ZNF592: variants seen among roughly 807,000 people sequenced by gnomAD.
The protein encoded by ZNF592 is zinc finger protein 592, also known as spinocerebellar ataxia, autosomal recessive 5.
ZNF592 carries 11 observed loss-of-function variants against 80.3 expected under a neutral mutation model. The observed-to-expected ratio is 0.14, with a 90% CI of 0.09 to 0.23. The LOEUF (loss-of-function observed/expected upper bound fraction) is 0.23, where lower values mean the gene tolerates loss of function less well. Ranked by LOEUF, ZNF592 falls within the 10% of genes least tolerant of loss-of-function variation. The pLI is 1.00. For synonymous variants in ZNF592, 646 were observed against 640.3 expected, an observed-to-expected ratio of 1.01 and a Z score of -0.13; for missense variants, 1,420 against 1,633.9, an observed-to-expected ratio of 0.87 and a Z score of 2.26.
At chr15:84,785,115 G>A (rs1036947521) in intron 4 of ZNF592, among the ~76,000 whole-genome samples, 6 of 152,168 alleles carry the variant, frequency 3.9e-5, no homozygotes, top group Non-Finnish European at 5.9e-5. Context: ...ATTTACGGAC[G>A]TGTCCCGTGT....
At position 84,799,358 on chromosome 15, in the gene ZNF592, A is replaced by C; in HGVS notation, c.3137+148A>C. The C allele has an allele frequency of 1.2e-6, 1 of 866,608 alleles. No homozygotes were observed. The highest frequency in any genetic ancestry group is 1.9e-6 in the Non-Finnish European group (1 of 528,372). 53.7% of individuals were successfully genotyped at this position (866,608 alleles called of 1,614,324 possible). On this transcript the variant is annotated intron_variant, in intron 9 of 10. Coordinates refer to ENST00000560079, the MANE Select transcript of ZNF592 (RefSeq NM_014630.3). The surrounding 1 kb of genome is among the most constrained non-coding windows in gnomAD (Gnocchi z 4.2). ...TGGAAGAAATTGCGGCTAAGTCAGAAATCAGGGGCAGGTCAAAAATCAGCT... is the reference window on the plus strand; with the variant it reads ...TGGAAGAAATTGCGGCTAAGTCAGACATCAGGGGCAGGTCAAAAATCAGCT...
At chr15:84,800,483 C>T (rs913701420) in intron 10 of ZNF592, among the ~76,000 whole-genome samples, 8 of 152,152 alleles carry the variant, frequency 5.3e-5, no homozygotes, top group Non-Finnish European at 1.2e-4. Context: ...TTGGAGCAGC[C>T]TGGTTTTTCC....
intron 2 of ZNF592, among the ~76,000 whole-genome samples, chr15:84,774,046 C>T (rs1218508013): frequency 1.3e-5 from 2 of 152,210 alleles, no homozygotes; most frequent in South Asian, 2.1e-4. Flanking sequence ...GCTGATTGAA[C>T]AGTGTAGCTT....
chr15:84,781,049 A>T (rs942673710), intron 3 of ZNF592, among the ~76,000 whole-genome samples: 1 of 151,550 alleles, frequency 6.6e-6, no homozygotes, highest in Non-Finnish European at 1.5e-5. Flanking sequence ...TTATTTATTT[A>T]TTTATTTATT....
At chr15:84,777,147 T>A (rs1962277786) in intron 2 of ZNF592, among the ~76,000 whole-genome samples, 1 of 151,810 alleles carries the variant, frequency 6.6e-6, no homozygotes, top group Non-Finnish European at 1.5e-5. Flanking sequence ...TTCCTTTTTG[T>A]ATATTAAAAA....
At chr15:84,797,192 C>G (rs1452084053) in intron 5 of ZNF592, among the ~76,000 whole-genome samples, 1 of 152,218 alleles carries the variant, frequency 6.6e-6, no homozygotes, top group Non-Finnish European at 1.5e-5. Flanking sequence ...AATTCCTGGC[C>G]TCGTGTGATC....
chr15:84,761,567 T>G (rs1002425897), intron 1 of ZNF592, among the ~76,000 whole-genome samples: 2 of 152,032 alleles, frequency 1.3e-5, no homozygotes, highest in Non-Finnish European at 2.9e-5. Flanking sequence ...GGGGTGTAAG[T>G]AGGAGAAAGG....
intron 1 of ZNF592, among the ~76,000 whole-genome samples, chr15:84,763,660 C>T (rs187595569): frequency 2.4e-4 from 36 of 152,274 alleles, no homozygotes; most frequent in Admixed American, 1.6e-3. Flanking sequence ...CTTTCCCTTC[C>T]CTTCTACATT....
chr15:84,782,370 T>C (rs1962443801), intron 3 of ZNF592, among the ~76,000 whole-genome samples: 2 of 152,158 alleles, frequency 1.3e-5, no homozygotes, highest in African/African-American at 4.8e-5. Flanking sequence ...AGGAGTATAC[T>C]CTCTGTGGCT....
intron 4 of ZNF592, among the ~76,000 whole-genome samples, chr15:84,785,642 C>G (rs1424840562): frequency 1.3e-5 from 2 of 152,194 alleles, no homozygotes; most frequent in Middle Eastern, 3.2e-3. Flanking sequence ...AGTTGTTGTT[C>G]TGCCCTGCAG....
rs762767542 is a variant in ZNF592, at chr15:84,798,778, C to T, written c.2927C>T (p.Pro976Leu). Residue 976 changes from proline (P) to leucine (L), a missense_variant, in exon 8 of 11, where the codon CCG becomes CTG. Physicochemically the swap from Pro to Leu is moderately conservative, Grantham distance 98. Around this residue, in one of 7 missense-constraint regions of ZNF592, gnomAD observed 331 missense variants for 347.0 expected, o/e 0.95. Coordinates refer to ENST00000560079, the MANE Select transcript of ZNF592 (RefSeq NM_014630.3). This position sits in a 1 kb window ranked among gnomAD's most constrained non-coding sequence, Gnocchi z 4.5. The stretch of plus-strand genomic sequence containing the variant: ...GCCCACCGCAGGGTGGAAGCCAGGC[C>T]GCGGCTGAGGAACACTGGCTGGACC... ...PEAHRRVEARPRLRNTGWTCQ... is the reference protein window; with the variant it reads ...PEAHRRVEARLRLRNTGWTCQ... 1.6e-5 allele frequency: 25 copies of T among 1,604,186 alleles called. No individual in the cohort carries two copies. The highest frequency in any genetic ancestry group is 4.0e-5 in the African/African-American group (3 of 74,908).
At chr15:84,760,267 A>C (rs1899311260) in intron 1 of ZNF592, among the ~76,000 whole-genome samples, 1 of 152,168 alleles carries the variant, frequency 6.6e-6, no homozygotes, top group African/African-American at 2.4e-5. Flanking sequence ...TCTGCTTCCC[A>C]GCCATATCTC....
At chr15:84,756,269 G>A (rs541098147) in intron 1 of ZNF592, among the ~76,000 whole-genome samples, 1 of 152,346 alleles carries the variant, frequency 6.6e-6, no homozygotes, top group South Asian at 2.1e-4. Context: ...TACCCACATT[G>A]CCCTTGGCAA....
chr15:84,762,514 G>T (rs1483905647), intron 1 of ZNF592, among the ~76,000 whole-genome samples: 1 of 152,212 alleles, frequency 6.6e-6, no homozygotes, highest in South Asian at 2.1e-4. Context: ...GGAAGGTACG[G>T]ATTTTGGGGA....
At position 84,798,499 on chromosome 15, in the gene ZNF592, C is replaced by T. The variant is rs370970730; in HGVS notation, c.2736+25C>T. The T allele has an allele frequency of 2.5e-5, 41 of 1,613,762 alleles. No homozygotes were observed. Among genetic ancestry groups the T allele is most frequent in the Non-Finnish European group, 3.0e-5 (35 of 1,179,810 alleles). ...GGTGGGATGCCTTGCGGGAGGAGGC[C>T]GGGGAGGAGGGCACATGCCTCAGGC... On this transcript the variant is annotated intron_variant, in intron 7 of 10. Coordinates refer to ENST00000560079, the MANE Select transcript of ZNF592 (RefSeq NM_014630.3). The surrounding 1 kb of genome is among the most constrained non-coding windows in gnomAD (Gnocchi z 4.5).
chr15:84,750,345 T>C (rs958577141), intron 1 of ZNF592, among the ~76,000 whole-genome samples: 1 of 152,140 alleles, frequency 6.6e-6, no homozygotes, highest in African/African-American at 2.4e-5. Flanking sequence ...ACAACAAATA[T>C]TTGTCAACAA....
At chr15:84,796,311 A>G (rs1056566032) in intron 5 of ZNF592, among the ~76,000 whole-genome samples, 1 of 140,152 alleles carries the variant, frequency 7.1e-6, no homozygotes, top group Non-Finnish European at 1.5e-5. Context: ...ACGAAGGGTA[A>G]CATTCAGGAG....
Position 84,799,282 on chromosome 15 carries a change from T to C in ZNF592, c.3137+72T>C. On this transcript the variant is annotated intron_variant, in intron 9 of 10. Coordinates refer to ENST00000560079, the MANE Select transcript of ZNF592 (RefSeq NM_014630.3). This position sits in a 1 kb window ranked among gnomAD's most constrained non-coding sequence, Gnocchi z 4.2. ...TCTGTCCGTGGCACCACTGGGGCTT[T>C]TCTGTGCTGCAAGATCAGGTGTCTA... 1 of 1,416,628 alleles carries C rather than the reference T, an allele frequency of 7.1e-7. No homozygotes were observed. The highest frequency in any genetic ancestry group is 1.0e-6 in the Non-Finnish European group (1 of 1,000,402). The allele number at this position is 1,416,628 out of a possible 1,614,324, so 87.8% of individuals were successfully genotyped here.
At chr15:84,757,540 G>A (rs898737406) in intron 1 of ZNF592, among the ~76,000 whole-genome samples, 13 of 152,144 alleles carry the variant, frequency 8.5e-5, no homozygotes, top group Admixed American at 5.2e-4. Context: ...ATTTTGTAGA[G>A]ACAGGATCTC....
Sources: gnomAD v4.1 joint callset for allele counts (sites outside exome capture counted in the v4.1 genomes callset) on GRCh38, gnomAD v4.1.1 for gene constraint, gnomAD v4.1.1 regional missense constraint, Gnocchi (gnomAD v3.1) non-coding constraint, MANE v1.5 for transcripts, NCBI Gene and HGNC (gene_info 2026-07-23, HGNC 2026-07-21) for gene names.